Variants in CSMD1 observed in about 807,000 individuals in gnomAD.
CSMD1 encodes the protein CUB and Sushi multiple domains 1, also known as CUB and sushi domain-containing protein 1.
In CSMD1, 213 loss-of-function variants were observed where a neutral mutation model predicts 417.5. That is an observed-to-expected ratio of 0.51 (90% confidence interval 0.46 to 0.57). The LOEUF is 0.57. Ranked by LOEUF, CSMD1 falls within the 20% of genes least tolerant of loss-of-function variation. The pLI, the probability that CSMD1 is intolerant of heterozygous loss-of-function variation, is 0.00. For synonymous variants in CSMD1, 2,862 were observed against 1,736.8 expected (o/e 1.65, Z -16.11); for missense variants, 6,923 against 4,529.7 (o/e 1.53, Z -15.17).
chr8:4,253,296 T>C (rs2128832942), intron 3 of CSMD1, among the ~76,000 whole-genome samples: 1 of 152,310 alleles, frequency 6.6e-6, no homozygotes, highest in South Asian at 2.1e-4. Context: ...ACATTCTCTC[T>C]TCAATATTCA....
chr8:4,470,178 T>G (rs1270193568), intron 2 of CSMD1, among the ~76,000 whole-genome samples: 3 of 152,096 alleles, frequency 2.0e-5, no homozygotes, highest in Non-Finnish European at 4.4e-5. Context: ...CCTCATCTAT[T>G]CCTCTCCATT....
chr8:4,189,873 C>G (rs1798911360), intron 3 of CSMD1, among the ~76,000 whole-genome samples: 1 of 151,968 alleles, frequency 6.6e-6, no homozygotes, highest in Non-Finnish European at 1.5e-5. Context: ...GTACGTAATA[C>G]ATAGCCTTGA....
intron 3 of CSMD1, among the ~76,000 whole-genome samples, chr8:4,039,997 G>C (rs766958424): frequency 1.1e-4 from 16 of 152,192 alleles, no homozygotes; most frequent in Non-Finnish European, 1.6e-4. Context: ...TACAGGTTAA[G>C]TGCCCCATAC....
At chr8:3,222,319 T>A (rs944527330) in intron 28 of CSMD1, among the ~76,000 whole-genome samples, 4 of 138,664 alleles carry the variant, frequency 2.9e-5, no homozygotes, top group African/African-American at 1.1e-4. Flanking sequence ...GTGTTCAATT[T>A]CATTTTTTTT....
chr8:4,380,726 G>A (rs1803049168), intron 3 of CSMD1, among the ~76,000 whole-genome samples: 1 of 152,106 alleles, frequency 6.6e-6, no homozygotes. Flanking sequence ...TGTATCTATG[G>A]GAGCACTTCA....
At chr8:3,316,277 T>C (rs1237643670) in intron 23 of CSMD1, among the ~76,000 whole-genome samples, 1 of 152,168 alleles carries the variant, frequency 6.6e-6, no homozygotes, top group Non-Finnish European at 1.5e-5. Flanking sequence ...CATGAATATG[T>C]GTAATAATTA....
At chr8:3,388,989 A>C (rs1054073801) in intron 17 of CSMD1, among the ~76,000 whole-genome samples, 1 of 152,070 alleles carries the variant, frequency 6.6e-6, no homozygotes, top group Admixed American at 6.6e-5. Flanking sequence ...ACACTCCCAC[A>C]GATTTTATGC....
intron 52 of CSMD1, among the ~76,000 whole-genome samples, chr8:3,000,847 TCTTTA>T (rs1197474989): frequency 6.6e-6 from 1 of 152,284 alleles, no homozygotes; most frequent in Non-Finnish European, 1.5e-5. Flanking sequence ...GCGACAGGCG[TCTTTA>T]CTTAAGGGGA....
chr8:4,656,036 G>A (rs1312380232), intron 1 of CSMD1, among the ~76,000 whole-genome samples: 3 of 152,070 alleles, frequency 2.0e-5, no homozygotes, highest in African/African-American at 7.3e-5. Flanking sequence ...GTTGGGAGAT[G>A]AGTAGTGTTA....
chr8:3,892,821 G>A (rs1007376111), intron 5 of CSMD1, among the ~76,000 whole-genome samples: 3 of 148,544 alleles, frequency 2.0e-5, no homozygotes, highest in South Asian at 4.3e-4. Flanking sequence ...GAGCCATGAC[G>A]CCCAAGTGCA....
intron 50 of CSMD1, chr8:3,043,847 A>G (rs962387925): frequency 6.6e-6 from 1 of 152,456 alleles, no homozygotes; most frequent in African/African-American, 2.4e-5. Flanking sequence ...AAAAAAATGC[A>G]ATTTGTTCTC....
At chr8:4,864,492 T>A (rs4875401) in intron 1 of CSMD1, among the ~76,000 whole-genome samples, 131,540 of 151,732 alleles carry the variant, frequency 0.87, 58,487 homozygotes, top group East Asian at 0.96. Flanking sequence ...CCCTATAACA[T>A]TGTTTGATTT....
chr8:4,848,667 G>T (rs1387380744), intron 1 of CSMD1, among the ~76,000 whole-genome samples: 1 of 151,880 alleles, frequency 6.6e-6, no homozygotes, highest in African/African-American at 2.4e-5. Flanking sequence ...TGCCTCTCGA[G>T]TAGCTGGGAT....
intron 20 of CSMD1, among the ~76,000 whole-genome samples, chr8:3,364,745 C>T (rs1809441882): frequency 6.6e-6 from 1 of 152,190 alleles, no homozygotes; most frequent in African/African-American, 2.4e-5. Context: ...AGCAAGAAGG[C>T]TCACCCCAGA....
intron 33 of CSMD1, among the ~76,000 whole-genome samples, chr8:3,192,510 C>T (rs1385694100): frequency 6.6e-6 from 1 of 152,176 alleles, no homozygotes; most frequent in Non-Finnish European, 1.5e-5. Flanking sequence ...CATGGTTTGG[C>T]TACTACTCAA....
At position 3,796,338 on chromosome 8, in the gene CSMD1, A is replaced by G. The variant is rs1468660080; in HGVS notation, c.819-42296T>C. Among the ~76,000 whole-genome samples, 3 of 95,426 alleles carry G rather than the reference A, an allele frequency of 3.1e-5. 1 individual carries two copies. Among genetic ancestry groups the G allele is most frequent in the African/African-American group, 1.3e-4 (3 of 23,572 alleles). 62.6% of individuals were successfully genotyped at this position (95,426 alleles called of 152,430 possible). A position where few individuals can be genotyped will look rare whatever the true frequency, so the allele number is the denominator to read the frequency against. On this transcript the variant is annotated intron_variant, in intron 5 of 69. Transcript: ENST00000635120. ...AGATATCTATCATGTATAGATATAGATATATATCTATCATGTATAGATATA... is the reference window on the plus strand; with the variant it reads ...AGATATCTATCATGTATAGATATAGGTATATATCTATCATGTATAGATATA...
chr8:3,853,960 A>G lies in CSMD1; in HGVS notation c.819-99918T>C, dbSNP rs148932834. 1.6e-4 allele frequency among the ~76,000 whole-genome samples: 23 copies of G among 146,798 alleles called. No individual in the cohort carries two copies. The East Asian group carries it at 3.1e-3, about 20-fold the overall frequency. ...TTAAAGTATAATATATTAATATATT[A>G]AATATATCATGTCAATATATTTATA... is the stretch of plus-strand genomic sequence containing the variant. On this transcript the variant is annotated intron_variant, in intron 5 of 69. Coordinates refer to ENST00000635120, the MANE Select transcript of CSMD1 (RefSeq NM_033225.6).
At chr8:3,027,685 T>C (rs1489076734) in intron 51 of CSMD1, among the ~76,000 whole-genome samples, 2 of 151,780 alleles carry the variant, frequency 1.3e-5, no homozygotes, top group Non-Finnish European at 2.9e-5. Context: ...CACCTAGACA[T>C]GTGATGATAA....
intron 1 of CSMD1, among the ~76,000 whole-genome samples, chr8:4,989,295 T>C (rs562845801): frequency 6.6e-6 from 1 of 152,222 alleles, no homozygotes; most frequent in African/African-American, 2.4e-5. Context: ...AAAAAAAATC[T>C]GCCCCTGGTT....
Sources: gnomAD v4.1 joint callset for allele counts (sites outside exome capture counted in the v4.1 genomes callset) on GRCh38, gnomAD v4.1.1 for gene constraint, MANE v1.5 for transcripts, NCBI Gene and HGNC (gene_info 2026-07-23, HGNC 2026-07-21) for gene names.